The following SGCZ variants were observed in gnomAD, a reference collection of about 807,000 sequenced individuals.
SGCZ encodes sarcoglycan zeta.
In SGCZ, 40 loss-of-function variants were observed where a neutral mutation model predicts 41.3. The observed-to-expected ratio is 0.97, with a 90% CI of 0.75 to 1.26. SGCZ has a LOEUF of 1.26. Among genes scored for constraint, SGCZ ranks in the 50% most tolerant of loss-of-function variants. SGCZ has a pLI of 0.00. For synonymous variants in SGCZ, 206 were observed against 137.5 expected (o/e 1.50, Z -3.49); for missense variants, 552 against 369.8 (o/e 1.49, Z -4.04).
chr8:14,702,534 A>T (rs1809171282), intron 1 of SGCZ, among the ~76,000 whole-genome samples: 2 of 151,900 alleles, frequency 1.3e-5, no homozygotes, highest in South Asian at 4.1e-4. Context: ...CACATGAATA[A>T]CTAAAAGGCA....
At chr8:14,302,003 C>G (rs958124726) in intron 3 of SGCZ, among the ~76,000 whole-genome samples, 6 of 152,128 alleles carry the variant, frequency 3.9e-5, no homozygotes, top group Non-Finnish European at 7.4e-5. Context: ...AAATATCTGT[C>G]AACTTCTTTA....
intron 1 of SGCZ, among the ~76,000 whole-genome samples, chr8:14,704,521 G>C (rs866578155): frequency 6.6e-6 from 1 of 151,846 alleles, no homozygotes; most frequent in African/African-American, 2.4e-5. Context: ...GCTGAGAAAG[G>C]TGTGTTTTTC....
chr8:14,090,270 A>T lies in SGCZ; in HGVS notation c.*173T>A. 1 of 567,964 alleles carries T rather than the reference A, an allele frequency of 1.8e-6. No individual in the cohort carries two copies. The allele number at this position is 567,964 out of a possible 1,614,324, so 35.2% of individuals were successfully genotyped here. On this transcript the variant is annotated 3_prime_UTR_variant, in exon 8 of 8. Transcript: ENST00000382080. Reference sequence around the variant, plus strand: ...TGTGTCAATCACACCCTCTGTGTTGAGCAGTACAGTAAATCACAAGAGAAG... The same window carrying T: ...TGTGTCAATCACACCCTCTGTGTTGTGCAGTACAGTAAATCACAAGAGAAG...
chr8:14,316,861 C>A (rs986559280), intron 3 of SGCZ, among the ~76,000 whole-genome samples: 3 of 149,522 alleles, frequency 2.0e-5, no homozygotes, highest in Admixed American at 6.7e-5. Context: ...ACACGCCCTG[C>A]ACTTCCAACA....
At chr8:15,072,049 C>T (rs550471047) in intron 1 of SGCZ, among the ~76,000 whole-genome samples, 2 of 152,266 alleles carry the variant, frequency 1.3e-5, no homozygotes, top group East Asian at 3.9e-4. Flanking sequence ...CTGCTTGTAT[C>T]TTCTCGGTTT....
At chr8:14,696,801 T>C (rs1808978360) in intron 1 of SGCZ, among the ~76,000 whole-genome samples, 1 of 151,652 alleles carries the variant, frequency 6.6e-6, no homozygotes, top group Admixed American at 6.6e-5. Flanking sequence ...TATCCTGGAA[T>C]ACACCTTTAA....
intron 2 of SGCZ, among the ~76,000 whole-genome samples, chr8:14,453,570 T>A (rs950486306): frequency 6.6e-6 from 1 of 152,098 alleles, no homozygotes; most frequent in African/African-American, 2.4e-5. Flanking sequence ...TTCTTATCGG[T>A]CCCCCAGTAA....
At chr8:14,847,164 A>AGAAGAAGAAGAAGAAGAAGAG (rs1803155770) in intron 1 of SGCZ, among the ~76,000 whole-genome samples, 1 of 145,712 alleles carries the variant, frequency 6.9e-6, no homozygotes, top group Admixed American at 6.8e-5. Flanking sequence ...AAGAAGAAGA[A>AGAAGAAGAAGAAGAAGAAGAG]GAAGAAGAAG....
At chr8:14,476,768 C>G (rs914905537) in intron 2 of SGCZ, among the ~76,000 whole-genome samples, 1 of 152,154 alleles carries the variant, frequency 6.6e-6, no homozygotes, top group Non-Finnish European at 1.5e-5. Flanking sequence ...GACAAGTTGG[C>G]TGCCATAAGA....
intron 1 of SGCZ, among the ~76,000 whole-genome samples, chr8:14,855,255 G>A (rs1803502968): frequency 6.6e-6 from 1 of 151,864 alleles, no homozygotes. Flanking sequence ...TCACCATGTT[G>A]GCCAGGCTGG....
At chr8:15,042,462 A>AGAC (rs1804140027) in intron 1 of SGCZ, among the ~76,000 whole-genome samples, 1 of 152,234 alleles carries the variant, frequency 6.6e-6, no homozygotes, top group African/African-American at 2.4e-5. Context: ...ACTGTGCCAC[A>AGAC]AAGTAATTCA....
intron 1 of SGCZ, among the ~76,000 whole-genome samples, chr8:14,831,779 CGTATATATGTGTGTACACATACAT>C (rs1563300912): frequency 7.2e-6 from 1 of 139,816 alleles, no homozygotes; most frequent in Non-Finnish European, 1.5e-5. Flanking sequence ...TATACACACA[CGTATATATGTGTGTACACATACAT>C]GTATATATGT....
chr8:14,299,615 T>C (rs2162437), intron 3 of SGCZ, among the ~76,000 whole-genome samples: 10,207 of 151,846 alleles, frequency 0.067, 502 homozygotes, highest in Middle Eastern at 0.12. Context: ...CACAAAGAAA[T>C]CCCACACACA....
chr8:15,202,975 T>C (rs1308538323), intron 1 of SGCZ, among the ~76,000 whole-genome samples: 2 of 152,022 alleles, frequency 1.3e-5, no homozygotes, highest in Non-Finnish European at 2.9e-5. Flanking sequence ...CCTGGCATTA[T>C]GGTGGGTGCT....
At chr8:14,809,662 C>A (rs977033568) in intron 1 of SGCZ, among the ~76,000 whole-genome samples, 5 of 152,060 alleles carry the variant, frequency 3.3e-5, no homozygotes, top group Non-Finnish European at 5.9e-5. Flanking sequence ...GGATTTAAGA[C>A]TATCAAAATT....
intron 1 of SGCZ, among the ~76,000 whole-genome samples, chr8:14,814,334 G>C (rs1206950407): frequency 1.3e-5 from 2 of 152,098 alleles, no homozygotes. Context: ...CTAGGGCCCT[G>C]TTTGAGTTTT....
Position 14,296,103 on chromosome 8 carries a change from G to A in SGCZ, c.336+28000C>T, listed in dbSNP as rs183798651. Among the ~76,000 whole-genome samples the A allele has an allele frequency of 3.9e-5, 6 of 152,158 alleles. No homozygotes were observed. The East Asian group carries it at 1.2e-3, about 30-fold the overall frequency. ...AGAAAAGCCAAACATGAAGTCTAAGGCTACACTAGTTGTAGGCTTGGCCTA... is the reference window on the plus strand; with the variant it reads ...AGAAAAGCCAAACATGAAGTCTAAGACTACACTAGTTGTAGGCTTGGCCTA... On this transcript the variant is annotated intron_variant, in intron 3 of 7. Coordinates refer to ENST00000382080, the MANE Select transcript of SGCZ (RefSeq NM_139167.4).
rs139438753 is a variant in SGCZ, at chr8:14,327,333, A to G, written c.235-3129T>C. Among the ~76,000 whole-genome samples the G allele has an allele frequency of 3.9e-3, 594 of 152,322 alleles. 4 individuals are homozygous for G. Among genetic ancestry groups the G allele is most frequent in the Non-Finnish European group, 6.9e-3 (467 of 68,004 alleles). On this transcript the variant is annotated intron_variant, in intron 2 of 7. Transcript: ENST00000382080. ...AAACCAAGAGTATTAATTAGAACCTATAACATGACATGGGGCTTTAAAACA... is the reference window on the plus strand; with the variant it reads ...AAACCAAGAGTATTAATTAGAACCTGTAACATGACATGGGGCTTTAAAACA...
chr8:15,130,543 G>T (rs538791047), intron 1 of SGCZ, among the ~76,000 whole-genome samples: 29 of 152,284 alleles, frequency 1.9e-4, no homozygotes, highest in African/African-American at 6.5e-4. Flanking sequence ...TTTTAGAAAT[G>T]CTCCTCATCC....
Sources: gnomAD v4.1 joint callset for allele counts (sites outside exome capture counted in the v4.1 genomes callset) on GRCh38, gnomAD v4.1.1 for gene constraint, MANE v1.5 for transcripts, NCBI Gene and HGNC (gene_info 2026-07-23, HGNC 2026-07-21) for gene names.